The following VAT1L variants were observed in gnomAD, a reference collection of about 807,000 sequenced individuals.
VAT1L encodes putative NADPH-dependent quinone oxidoreductase VAT1L.
VAT1L carries 34 observed loss-of-function variants against 44.1 expected under a neutral mutation model. The observed-to-expected ratio is 0.77, with a 90% CI of 0.59 to 1.03. The LOEUF is 1.03. Among genes scored for constraint, VAT1L ranks in the 50% least tolerant of loss-of-function variants. The pLI is 0.00. For missense variants in VAT1L, 615 were observed against 538.8 expected (o/e 1.14, Z -1.40); for synonymous variants, 253 against 202.2 (o/e 1.25, Z -2.13).
intron 7 of VAT1L, among the ~76,000 whole-genome samples, chr16:77,930,657 A>T (rs2017721177): frequency 6.6e-6 from 1 of 152,152 alleles, no homozygotes; most frequent in African/African-American, 2.4e-5. Flanking sequence ...TGGTTGGATA[A>T]TCCTAATCTC....
intron 3 of VAT1L, among the ~76,000 whole-genome samples, chr16:77,851,216 C>A (rs1235341071): frequency 6.6e-6 from 1 of 152,164 alleles, no homozygotes; most frequent in Non-Finnish European, 1.5e-5. Flanking sequence ...GCAGGGGCAG[C>A]TATGGTTACA....
intron 4 of VAT1L, among the ~76,000 whole-genome samples, chr16:77,865,471 C>G (rs2016963473): frequency 6.6e-6 from 1 of 152,144 alleles, no homozygotes; most frequent in African/African-American, 2.4e-5. Context: ...AGAGATCCAG[C>G]AATGCCATCT....
intron 3 of VAT1L, among the ~76,000 whole-genome samples, chr16:77,841,799 G>A (rs1053821690): frequency 2.0e-5 from 3 of 152,184 alleles, no homozygotes; most frequent in Non-Finnish European, 2.9e-5. Flanking sequence ...ACTGGTGCAA[G>A]GAAAAGCCTG....
rs192591088 is a variant in VAT1L, at chr16:77,863,687, C to A, written c.722+797C>A. ...AGAGCCTCAGAGGCTGGGAGAACTA[C>A]AAGAAGGCTTACTGGGGTGCAAGTC... On this transcript the variant is annotated intron_variant, in intron 4 of 8. Coordinates refer to ENST00000302536, the MANE Select transcript of VAT1L (RefSeq NM_020927.3). Among the ~76,000 whole-genome samples the A allele has an allele frequency of 5.1e-3, 771 of 152,250 alleles. 4 individuals are homozygous for A. Among genetic ancestry groups the A allele is most frequent in the African/African-American group, 0.017 (726 of 41,548 alleles).
intron 8 of VAT1L, among the ~76,000 whole-genome samples, chr16:77,976,438 C>A (rs1191972657): frequency 2.0e-5 from 3 of 152,138 alleles, no homozygotes; most frequent in African/African-American, 4.8e-5. Context: ...GGAGAAGGCA[C>A]TGCACATGGT....
At chr16:77,845,588 C>T (rs147989739) in intron 3 of VAT1L, among the ~76,000 whole-genome samples, 1 of 152,258 alleles carries the variant, frequency 6.6e-6, no homozygotes, top group Non-Finnish European at 1.5e-5. Context: ...ACCCTTTGAA[C>T]AAGTCTTTGA....
chr16:77,856,627 G>C (rs1296666798), intron 3 of VAT1L, among the ~76,000 whole-genome samples: 1 of 152,206 alleles, frequency 6.6e-6, no homozygotes, highest in Admixed American at 6.5e-5. Context: ...CAGCTCCCTT[G>C]TTACCACAGT....
At chr16:77,915,018 G>A (rs1457142927) in intron 7 of VAT1L, among the ~76,000 whole-genome samples, 1 of 152,104 alleles carries the variant, frequency 6.6e-6, no homozygotes, top group South Asian at 2.1e-4. Flanking sequence ...CCAGCTACTC[G>A]GGAGGCTGAG....
intron 8 of VAT1L, among the ~76,000 whole-genome samples, chr16:77,972,626 C>G (rs1038581539): frequency 4.0e-5 from 6 of 151,850 alleles, no homozygotes; most frequent in African/African-American, 1.5e-4. Context: ...ACTAAAAATA[C>G]AAAAATTAGC....
At chr16:77,973,065 A>G (rs2018297487) in intron 8 of VAT1L, among the ~76,000 whole-genome samples, 3 of 152,046 alleles carry the variant, frequency 2.0e-5, no homozygotes, top group South Asian at 2.1e-4. Context: ...TCAAACTCAC[A>G]TCCCACCTAT....
At chr16:77,959,191 G>T (rs1422749717) in intron 7 of VAT1L, among the ~76,000 whole-genome samples, 2 of 152,092 alleles carry the variant, frequency 1.3e-5, no homozygotes. Context: ...GCTCTAAAAA[G>T]GAGCTGAGTG....
chr16:77,870,740 C>T (rs1479016660), intron 4 of VAT1L, among the ~76,000 whole-genome samples: 7 of 152,218 alleles, frequency 4.6e-5, no homozygotes, highest in Non-Finnish European at 1.0e-4. Context: ...TGGCCTTCTG[C>T]CACACCTTCT....
At chr16:77,958,996 AG>A (rs1273956314) in intron 7 of VAT1L, among the ~76,000 whole-genome samples, 1 of 152,212 alleles carries the variant, frequency 6.6e-6, no homozygotes, top group African/African-American at 2.4e-5. Context: ...TGCAGGACCA[AG>A]ACTATGATTA....
chr16:77,911,706 C>CTA (rs755348422), intron 7 of VAT1L, among the ~76,000 whole-genome samples: 1 of 152,120 alleles, frequency 6.6e-6, no homozygotes, highest in Non-Finnish European at 1.5e-5. Flanking sequence ...CGTGCAGACT[C>CTA]TGGGTCCACA....
At chr16:77,917,280 G>T (rs754062483) in intron 7 of VAT1L, among the ~76,000 whole-genome samples, 2 of 152,138 alleles carry the variant, frequency 1.3e-5, no homozygotes, top group African/African-American at 2.4e-5. Flanking sequence ...CAACGAAAAA[G>T]GAAGGGGCAA....
chr16:77,972,333 CAGAG>C (rs112142418), intron 8 of VAT1L, among the ~76,000 whole-genome samples: 2,491 of 151,812 alleles, frequency 0.016, 71 homozygotes, highest in African/African-American at 0.057. Context: ...TTCTTTCTTT[CAGAG>C]AGAGAGTCTT....
intron 7 of VAT1L, among the ~76,000 whole-genome samples, chr16:77,961,198 A>G (rs391578): frequency 0.49 from 74,766 of 151,854 alleles, 18,770 homozygotes; most frequent in South Asian, 0.67. Flanking sequence ...TGTTGGCTGC[A>G]CGTCTATTCA....
intron 1 of VAT1L, among the ~76,000 whole-genome samples, chr16:77,790,594 C>T (rs2015815751): frequency 6.6e-6 from 1 of 151,680 alleles, no homozygotes; most frequent in Non-Finnish European, 1.5e-5. Context: ...ACCACTTCAT[C>T]AAAAAAAATT....
At chr16:77,874,635 C>G (rs969282644) in intron 4 of VAT1L, among the ~76,000 whole-genome samples, 1 of 152,044 alleles carries the variant, frequency 6.6e-6, no homozygotes, top group Admixed American at 6.6e-5. Context: ...TCTCTGATAG[C>G]CCTGATTGGG....
Sources: gnomAD v4.1 joint callset for allele counts (sites outside exome capture counted in the v4.1 genomes callset) on GRCh38, gnomAD v4.1.1 for gene constraint, MANE v1.5 for transcripts, NCBI Gene and HGNC (gene_info 2026-07-23, HGNC 2026-07-21) for gene names.